The following BRWD1 variants were observed in gnomAD, a reference collection of about 807,000 sequenced individuals.
BRWD1 encodes the protein bromodomain and WD repeat domain containing 1.
A neutral mutation model predicts 251.2 loss-of-function variants in BRWD1; 82 were observed. That is an observed-to-expected ratio of 0.33 (90% CI 0.27 to 0.39). The LOEUF is 0.39. Among genes scored for constraint, BRWD1 ranks in the 10% least tolerant of loss-of-function variants. The pLI is 1.00. For synonymous variants in BRWD1, 918 were observed against 902.8 expected (o/e 1.02, Z -0.30); for missense variants, 2,233 against 2,711.6 (o/e 0.82, Z 3.92).
At chr21:39,291,468 G>A (rs1431978096) in intron 8 of BRWD1, among the ~76,000 whole-genome samples, 4 of 152,204 alleles carry the variant, frequency 2.6e-5, no homozygotes, top group Admixed American at 6.5e-5. Context: ...AGTAGGGACA[G>A]CACTTGGCCC....
chr21:39,197,205 G>A lies in BRWD1; in HGVS notation c.5864C>T (p.Thr1955Ile). 6.2e-7 allele frequency: 1 copy of A among 1,613,956 alleles called. No individual in the cohort carries two copies. The highest frequency in any genetic ancestry group is 8.5e-7 in the Non-Finnish European group (1 of 1,179,924). ...TTTTTTCCTTCCATTTTTGCTTCTA[G>A]TGTGCACATTTTCTAAACTGACATC... is the stretch of plus-strand genomic sequence containing the variant. ...VEDVSLENVH[T>I]RSKNGRKKPL... The change falls in exon 41 of 41, where the codon ACT becomes ATT. Residue 1955 changes from threonine (T) to isoleucine (I), a missense_variant. This residue lies in a region of BRWD1 where 928 missense variants were observed against 970.0 expected (regional missense o/e 0.96). Transcript: ENST00000342449.
In BRWD1 at chr21:39,189,276, C is replaced by G. The variant is rs944228663; in HGVS notation, c.*6983G>C. On this transcript the variant is annotated 3_prime_UTR_variant, in exon 41 of 41. Transcript: ENST00000342449. ...AAAGAACAGATAACTGGTTCATTCC[C>G]AACAACCTATTCATCCAGACAAATA... 1 of 984,260 alleles carries G rather than the reference C, an allele frequency of 1.0e-6. No individual in the cohort carries two copies. The highest frequency in any genetic ancestry group is 1.2e-6 in the Non-Finnish European group (1 of 829,024). 61.0% of individuals were successfully genotyped at this position (984,260 alleles called of 1,614,324 possible).
At position 39,185,892 on chromosome 21, in the gene BRWD1, ATTCAT is replaced by A. The variant is rs1431255740; in HGVS notation, c.*10362_*10366del. ...CTATGTTAAAAAGATGCGACAGTATATTCATTTAATCTGGCAATTTTAATTTCAAC... is the reference window on the plus strand; with the variant it reads ...CTATGTTAAAAAGATGCGACAGTATATTAATCTGGCAATTTTAATTTCAAC... On this transcript the variant is annotated 3_prime_UTR_variant, in exon 41 of 41. Transcript: ENST00000342449. 6.6e-6 allele frequency: 1 copy of A among 152,200 alleles called. No individual in the cohort carries two copies. Among genetic ancestry groups the A allele is most frequent in the Admixed American group, 6.5e-5 (1 of 15,278 alleles). 9.4% of individuals were successfully genotyped at this position (152,200 alleles called of 1,614,324 possible). A position where few individuals can be genotyped will look rare whatever the true frequency, so the allele number is the denominator to read the frequency against.
chr21:39,246,629 T>C (rs1455612840), intron 21 of BRWD1, among the ~76,000 whole-genome samples: 2 of 152,104 alleles, frequency 1.3e-5, no homozygotes, highest in Non-Finnish European at 2.9e-5. Context: ...AACTGATAAA[T>C]GGATAAACAA....
chr21:39,313,677 A>C (rs2036608536), upstream of BRWD1: 4 of 413,598 alleles, frequency 9.7e-6, no homozygotes, highest in African/African-American at 2.1e-5. Flanking sequence ...TCCGCGGGAG[A>C]CGAAAAGTAG....
intron 13 of BRWD1, 74 bp from the exon 14 acceptor site, chr21:39,270,507 A>T (rs1245998287): frequency 7.8e-7 from 1 of 1,282,594 alleles, no homozygotes; most frequent in Non-Finnish European, 1.1e-6. Flanking sequence ...TCTCATCAAT[A>T]CAAAAATAAA....
At chr21:39,244,925 T>TA (rs2146592577) in intron 21 of BRWD1, among the ~76,000 whole-genome samples, 1 of 47,194 alleles carries the variant, frequency 2.1e-5, no homozygotes, top group East Asian at 3.4e-4. Flanking sequence ...GGAAGAAATA[T>TA]ATATATATAT....
intron 1 of BRWD1, among the ~76,000 whole-genome samples, chr21:39,319,526 A>C (rs1601532403): frequency 6.6e-6 from 1 of 152,324 alleles, no homozygotes; most frequent in East Asian, 1.9e-4. Flanking sequence ...CTTGGCTCGG[A>C]TATTTTTCTG....
rs759180426 is a variant in BRWD1, at chr21:39,187,901, A to C, written c.*8358T>G. 4.1e-6 allele frequency: 4 copies of C among 980,148 alleles called. No homozygotes were observed. Among genetic ancestry groups the C allele is most frequent in the African/African-American group, 3.5e-5 (2 of 57,090 alleles). 60.7% of individuals were successfully genotyped at this position (980,148 alleles called of 1,614,324 possible). On this transcript the variant is annotated 3_prime_UTR_variant, in exon 41 of 41. Coordinates refer to ENST00000342449, the MANE Select transcript of BRWD1 (RefSeq NM_033656.4). ...CCTAACCTAGCCTAAGGGATCAAGG[A>C]AGGCTTCCTTTAAGGAAGCTTTTAG...
intron 8 of BRWD1, among the ~76,000 whole-genome samples, chr21:39,288,387 T>TG (rs752545930): frequency 1.1e-4 from 16 of 152,256 alleles, no homozygotes; most frequent in Non-Finnish European, 2.1e-4. Context: ...CAAGAATCAC[T>TG]GGGCACTGCC....
intron 19 of BRWD1, among the ~76,000 whole-genome samples, chr21:39,251,973 G>T (rs926649494): frequency 6.6e-6 from 1 of 152,038 alleles, no homozygotes; most frequent in African/African-American, 2.4e-5. Context: ...GTATATAAAA[G>T]AATTTTTATA....
chr21:39,223,696 GT>G (rs1439615602), intron 29 of BRWD1, among the ~76,000 whole-genome samples: 1 of 152,156 alleles, frequency 6.6e-6, no homozygotes, highest in African/African-American at 2.4e-5. Flanking sequence ...GCTTTAAATA[GT>G]TGTCTATTTC....
At chr21:39,304,677 C>T (rs1199606516) in intron 4 of BRWD1, among the ~76,000 whole-genome samples, 1 of 151,936 alleles carries the variant, frequency 6.6e-6, no homozygotes, top group Non-Finnish European at 1.5e-5. Context: ...AAACTACACG[C>T]TGTTTACGGG....
chr21:39,271,993 C>A (rs1245384207), intron 13 of BRWD1, among the ~76,000 whole-genome samples: 2 of 119,976 alleles, frequency 1.7e-5, no homozygotes, highest in Admixed American at 1.1e-4. Context: ...GAGCTGAGAC[C>A]GTGCCACTCC....
At chr21:39,272,804 G>T (rs1275622907) in intron 13 of BRWD1, among the ~76,000 whole-genome samples, 2 of 151,760 alleles carry the variant, frequency 1.3e-5, no homozygotes, top group Non-Finnish European at 2.9e-5. Context: ...TAGAGGCAGG[G>T]TTTCACCATG....
intron 8 of BRWD1, among the ~76,000 whole-genome samples, chr21:39,281,372 A>AGG: frequency 6.6e-6 from 1 of 152,272 alleles, no homozygotes; most frequent in South Asian, 2.1e-4. Context: ...TAGAATGGGG[A>AGG]GGAAAGACCA....
chr21:39,314,327 T>A (rs781760652), upstream of BRWD1: 21 of 455,822 alleles, frequency 4.6e-5, 1 homozygote, highest in African/African-American at 3.4e-4. Flanking sequence ...GGCAGAAAAT[T>A]ACATAAAATG....
At chr21:39,264,428 T>G in intron 17 of BRWD1, 32 bp downstream of exon 17, 1 of 1,160,502 alleles carries the variant, frequency 8.6e-7, no homozygotes, top group East Asian at 3.0e-5. Flanking sequence ...AGTACAACTT[T>G]AAAAAAAAAA....
intron 4 of BRWD1, among the ~76,000 whole-genome samples, chr21:39,301,282 CCCT>C (rs1233043031): frequency 1.3e-5 from 2 of 152,136 alleles, no homozygotes; most frequent in South Asian, 2.1e-4. Flanking sequence ...TTGTGAAATC[CCCT>C]CCTCATTTAC....
Sources: allele counts gnomAD v4.1 joint callset (sites outside exome capture counted in the v4.1 genomes callset), GRCh38; gene constraint gnomAD v4.1.1; regional missense constraint gnomAD v4.1.1; transcripts MANE v1.5; gene names NCBI Gene and HGNC (gene_info 2026-07-23, HGNC 2026-07-21).